Variants in NSL1 observed in about 807,000 individuals in gnomAD.
The protein encoded by NSL1 is kinetochore-associated protein NSL1 homolog.
In NSL1, 11 loss-of-function variants were observed where a neutral mutation model predicts 25.4. The observed-to-expected ratio is 0.43, with a 90% confidence interval of 0.27 to 0.72. The LOEUF is 0.72. Ranked by LOEUF, NSL1 falls within the 30% of genes least tolerant of loss-of-function variation. The pLI is 0.19. For missense variants in NSL1, 330 were observed against 342.7 expected (o/e 0.96, Z 0.29); for synonymous variants, 118 against 120.6 (o/e 0.98, Z 0.14).
rs1571851677 is a variant in NSL1 at position 212,728,701 on chromosome 1, G to A, written c.*9707C>T. ...TATACCATTTGGTGAGATCTCTGGAGAATGGAACACCTTCACAGACAACAT... is the reference window on the plus strand; with the variant it reads ...TATACCATTTGGTGAGATCTCTGGAAAATGGAACACCTTCACAGACAACAT... On this transcript the variant is annotated 3_prime_UTR_variant, in exon 6 of 6. Transcript: ENST00000366977. The A allele has an allele frequency of 7.1e-6, 7 of 985,446 alleles. No individual in the cohort carries two copies. The highest frequency in any genetic ancestry group is 5.2e-5 in the African/African-American group (3 of 57,354). The allele number at this position is 985,446 out of a possible 1,614,324, so 61.0% of individuals were successfully genotyped here. A position where few individuals can be genotyped will look rare whatever the true frequency, so the allele number is the denominator to read the frequency against.
At chr1:212,746,294 T>C (rs1212119581) in intron 4 of NSL1, among the ~76,000 whole-genome samples, 3 of 152,116 alleles carry the variant, frequency 2.0e-5, no homozygotes, top group Non-Finnish European at 2.9e-5. Flanking sequence ...CAGAGCTGTA[T>C]AGAAGAAGTT....
rs140675222 is a variant in NSL1, at chr1:212,733,433, C to CAAAAAAAAAAAAAA, written c.*4961_*4974dup. Among the ~76,000 whole-genome samples, 1 of 135,900 alleles carries CAAAAAAAAAAAAAA rather than the reference C, an allele frequency of 7.4e-6. No homozygotes were observed. The highest frequency in any genetic ancestry group is 2.7e-5 in the African/African-American group (1 of 37,216). 89.2% of individuals were successfully genotyped at this position (135,900 alleles called of 152,430 possible). A position where few individuals can be genotyped will look rare whatever the true frequency, so the allele number is the denominator to read the frequency against. ...GGCAACACAGCAAGACCTTGTTTCA[C>CAAAAAAAAAAAAAA]AAAAAAAAAAAAAAAAAAATCCCAT... is the stretch of plus-strand genomic sequence containing the variant. On this transcript the variant is annotated 3_prime_UTR_variant, in exon 6 of 6. Coordinates refer to ENST00000366977, the MANE Select transcript of NSL1 (RefSeq NM_015471.4).
chr1:212,790,566 T>A (rs1037972820), intron 1 of NSL1, among the ~76,000 whole-genome samples: 5 of 151,994 alleles, frequency 3.3e-5, no homozygotes, highest in Admixed American at 2.0e-4. Context: ...GCGGAAAAAA[T>A]TTAAAAGCTC....
intron 2 of NSL1, among the ~76,000 whole-genome samples, chr1:212,784,809 G>A (rs1660875552): frequency 6.6e-6 from 1 of 152,202 alleles, no homozygotes; most frequent in African/African-American, 2.4e-5. Flanking sequence ...AAGTGCAATA[G>A]AGGTATGAGC....
chr1:212,772,907 T>C (rs914263720), intron 4 of NSL1, among the ~76,000 whole-genome samples: 10 of 152,180 alleles, frequency 6.6e-5, no homozygotes, highest in African/African-American at 2.2e-4. Context: ...TTATAGCCAC[T>C]GATTTTCAAC....
chr1:212,764,877 AAAG>A (rs1659733870), intron 4 of NSL1, among the ~76,000 whole-genome samples: 1 of 135,700 alleles, frequency 7.4e-6, no homozygotes, highest in Admixed American at 7.1e-5. Context: ...AAAAAGAAAG[AAAG>A]AAAAAAAAAA....
At chr1:212,747,154 C>T (rs1414442646) in intron 4 of NSL1, among the ~76,000 whole-genome samples, 1 of 151,862 alleles carries the variant, frequency 6.6e-6, no homozygotes, top group Non-Finnish European at 1.5e-5. Context: ...AGATGGCCCC[C>T]AGTGATCTCT....
At position 212,731,624 on chromosome 1, in the gene NSL1, C is replaced by T; in HGVS notation, c.*6784G>A. 1.0e-6 allele frequency: 1 copy of T among 985,374 alleles called. No homozygotes were observed. The highest frequency in any genetic ancestry group is 1.7e-5 in the African/African-American group (1 of 57,332). 61.0% of individuals were successfully genotyped at this position (985,374 alleles called of 1,614,324 possible). A position where few individuals can be genotyped will look rare whatever the true frequency, so the allele number is the denominator to read the frequency against. On this transcript the variant is annotated 3_prime_UTR_variant, in exon 6 of 6. Coordinates refer to ENST00000366977, the MANE Select transcript of NSL1 (RefSeq NM_015471.4). ...CCCAGTTCCCCCACCTAAGTTCATC[C>T]ACAGAGTTAATACTTCCCACTTCGT...
intron 4 of NSL1, among the ~76,000 whole-genome samples, chr1:212,780,137 CTT>C (rs1660652777): frequency 6.6e-6 from 1 of 151,874 alleles, no homozygotes. Context: ...ACATGGGAAA[CTT>C]TTCATTTTGT....
chr1:212,773,141 C>T (rs183604050), intron 4 of NSL1, among the ~76,000 whole-genome samples: 8 of 152,076 alleles, frequency 5.3e-5, no homozygotes, highest in African/African-American at 7.2e-5. Flanking sequence ...AAAGATTTTA[C>T]GGCTAGGACC....
At chr1:212,773,765 T>C (rs977211363) in intron 4 of NSL1, among the ~76,000 whole-genome samples, 3 of 152,112 alleles carry the variant, frequency 2.0e-5, no homozygotes, top group Admixed American at 6.6e-5. Flanking sequence ...CTATTCACAA[T>C]AGCCTAGATA....
At chr1:212,779,476 G>T (rs1408856659) in intron 4 of NSL1, among the ~76,000 whole-genome samples, 14 of 127,398 alleles carry the variant, frequency 1.1e-4, no homozygotes, top group African/African-American at 4.1e-4. Flanking sequence ...GAGCCCCTCT[G>T]CACGGCCAGC....
At chr1:212,783,843 G>A (rs1655064287) in intron 3 of NSL1, among the ~76,000 whole-genome samples, 1 of 152,160 alleles carries the variant, frequency 6.6e-6, no homozygotes, top group Admixed American at 6.5e-5. Context: ...TGAAGGAGCT[G>A]AATTCCTGGT....
Position 212,737,695 on chromosome 1 carries a change from A to ATTAGTTC in NSL1, c.*706_*712dup. ...AAATAAGAAACCCTAAAAAGAAACCATTAGTTCCAAGTCAAATTATGTTAA... is the reference window on the plus strand; with the variant it reads ...AAATAAGAAACCCTAAAAAGAAACCATTAGTTCTTAGTTCCAAGTCAAATTATGTTAA... On this transcript the variant is annotated 3_prime_UTR_variant, in exon 6 of 6. Coordinates refer to ENST00000366977, the MANE Select transcript of NSL1 (RefSeq NM_015471.4). The ATTAGTTC allele has an allele frequency of 1.0e-6, 1 of 972,338 alleles. No individual in the cohort carries two copies. Among genetic ancestry groups the ATTAGTTC allele is most frequent in the Admixed American group, 6.1e-5 (1 of 16,278 alleles). The allele number at this position is 972,338 out of a possible 1,614,324, so 60.2% of individuals were successfully genotyped here.
At chr1:212,774,576 C>A (rs575206649) in intron 4 of NSL1, among the ~76,000 whole-genome samples, 59 of 152,268 alleles carry the variant, frequency 3.9e-4, no homozygotes, top group African/African-American at 1.4e-3. Flanking sequence ...CCAATAAGCA[C>A]ATGAAACGAT....
chr1:212,781,025 C>T (rs1310468148), intron 4 of NSL1, among the ~76,000 whole-genome samples: 1 of 152,118 alleles, frequency 6.6e-6, no homozygotes, highest in African/African-American at 2.4e-5. Flanking sequence ...AGATATAAAG[C>T]TAATAACTGT....
At chr1:212,750,236 G>A (rs1172966690) in intron 4 of NSL1, among the ~76,000 whole-genome samples, 1 of 151,890 alleles carries the variant, frequency 6.6e-6, no homozygotes, top group Non-Finnish European at 1.5e-5. Flanking sequence ...ATCTAACAAG[G>A]GAACCGAAGG....
intron 4 of NSL1, among the ~76,000 whole-genome samples, chr1:212,747,061 C>A (rs1330072764): frequency 2.0e-5 from 3 of 151,464 alleles, no homozygotes; most frequent in Non-Finnish European, 4.4e-5. Context: ...ACAAGAATCA[C>A]TGGAACCCAG....
At chr1:212,778,641 T>A (rs1264857050) in intron 4 of NSL1, among the ~76,000 whole-genome samples, 1 of 152,148 alleles carries the variant, frequency 6.6e-6, no homozygotes, top group Non-Finnish European at 1.5e-5. Context: ...CCGCGAGTGA[T>A]CTGCCAGCCT....
Sources: allele counts gnomAD v4.1 joint callset (sites outside exome capture counted in the v4.1 genomes callset), GRCh38; gene constraint gnomAD v4.1.1; transcripts MANE v1.5; gene names NCBI Gene and HGNC (gene_info 2026-07-23, HGNC 2026-07-21).